MRTFA: variants seen among roughly 807,000 people sequenced by gnomAD.
The protein encoded by MRTFA is myocardin-related transcription factor A.
In MRTFA, 20 loss-of-function variants were observed where a neutral mutation model predicts 83.5. The ratio of observed to expected loss-of-function variants is 0.24; its 90% CI spans 0.17 to 0.35. The LOEUF (loss-of-function observed/expected upper bound fraction) is 0.35, where lower values mean the gene tolerates loss of function less well. MRTFA is among the 10% of genes least tolerant of loss of function. The pLI, the probability that MRTFA is intolerant of heterozygous loss-of-function variation, is 1.00. For synonymous variants in MRTFA, 659 were observed against 541.2 expected (o/e 1.22, Z -3.02); for missense variants, 1,200 against 1,224.7 (o/e 0.98, Z 0.30).
Position 40,419,112 on chromosome 22 carries a change from C to T in MRTFA, c.1626G>A (p.Val542=). The T allele has an allele frequency of 6.3e-7, 1 of 1,593,372 alleles. No homozygotes were observed. Among genetic ancestry groups the T allele is most frequent in the Non-Finnish European group, 8.5e-7 (1 of 1,170,128 alleles). Residue 542 remains valine, a synonymous_variant, in exon 12 of 15, where the codon GTG becomes GTA. Coordinates refer to ENST00000355630, the MANE Select transcript of MRTFA (RefSeq NM_020831.6). ...GCGTGGAGCCCGTGCTGCCAAACTT[C>T]ACCACCCCACTGCTGGCCACCGTGG...
intron 3 of MRTFA, among the ~76,000 whole-genome samples, chr22:40,464,261 ACT>A (rs966694623): frequency 7.3e-6 from 1 of 136,712 alleles, no homozygotes; most frequent in African/African-American, 2.8e-5. Flanking sequence ...AGATCACACT[ACT>A]CTCTCTCACT....
At chr22:40,483,307 C>T (rs1461989009) in intron 3 of MRTFA, among the ~76,000 whole-genome samples, 1 of 151,904 alleles carries the variant, frequency 6.6e-6, no homozygotes, top group Non-Finnish European at 1.5e-5. Flanking sequence ...TCAAGCAATC[C>T]TCCTGCTTCA....
chr22:40,567,799 G>A (rs1200252095), intron 2 of MRTFA, among the ~76,000 whole-genome samples: 1 of 152,178 alleles, frequency 6.6e-6, no homozygotes, highest in Non-Finnish European at 1.5e-5. Context: ...ATAGTATTGT[G>A]CTTTGTTTTC....
chr22:40,477,562 T>C (rs942304335), intron 3 of MRTFA, among the ~76,000 whole-genome samples: 53 of 152,042 alleles, frequency 3.5e-4, no homozygotes, highest in Non-Finnish European at 1.5e-4. Flanking sequence ...ACAATGTACA[T>C]GAAAAGTGAT....
At chr22:40,457,487 A>G (rs1296601807) in intron 4 of MRTFA, among the ~76,000 whole-genome samples, 1 of 128,184 alleles carries the variant, frequency 7.8e-6, no homozygotes, top group Admixed American at 7.7e-5. Flanking sequence ...AGAAAGAAAG[A>G]AGGAAAGAAA....
chr22:40,636,201 C>A lies in MRTFA; in HGVS notation c.-84+277G>T, dbSNP rs1300462278. Among the ~76,000 whole-genome samples the A allele has an allele frequency of 2.0e-5, 3 of 152,224 alleles. No individual in the cohort carries two copies. The East Asian group carries it at 5.8e-4, about 29-fold the overall frequency. On this transcript the variant is annotated intron_variant, in intron 1 of 14. Coordinates refer to ENST00000355630, the MANE Select transcript of MRTFA (RefSeq NM_020831.6). ...GCGAGGACCTCCGTGCCTCCCCGCC[C>A]CGCGCAGCACAGCCCTGCCAGGCAG...
Position 40,419,148 on chromosome 22 carries a change from C to G in MRTFA, c.1590G>C (p.Glu530Asp). ...TGCTGGCCACCGTGGCCACCACCAC[C>G]TCAGCTGGAGCCAGGCCTGCTGCCA... Residue 530 changes from glutamate (E) to aspartate (D), a missense_variant, in exon 12 of 15, where the codon GAG (glutamate) becomes GAC (aspartate). By Grantham distance (45) the Glu-to-Asp change is conservative (BLOSUM62 2). Transcript: ENST00000355630. 6.3e-7 allele frequency: 1 copy of G among 1,585,724 alleles called. No homozygotes were observed. The highest frequency in any genetic ancestry group is 8.6e-7 in the Non-Finnish European group (1 of 1,165,866).
At chr22:40,451,364 T>G (rs568557219) in intron 4 of MRTFA, among the ~76,000 whole-genome samples, 1 of 152,292 alleles carries the variant, frequency 6.6e-6, no homozygotes, top group African/African-American at 2.4e-5. Flanking sequence ...GACTGCATAT[T>G]CTGGGGCAAG....
intron 1 of MRTFA, among the ~76,000 whole-genome samples, chr22:40,623,459 T>G (rs2056546822): frequency 6.6e-6 from 1 of 151,964 alleles, no homozygotes; most frequent in African/African-American, 2.4e-5. Flanking sequence ...CTCCCAATGC[T>G]ATCCCTCCCC....
chr22:40,604,950 A>C (rs1364360408), intron 1 of MRTFA, among the ~76,000 whole-genome samples: 2 of 152,136 alleles, frequency 1.3e-5, no homozygotes, highest in East Asian at 3.8e-4. Context: ...AGAAGAGACT[A>C]ATCTATGACC....
At position 40,513,032 on chromosome 22, in the gene MRTFA, T is replaced by C. The variant is rs2054693419; in HGVS notation, c.241+39074A>G. ...TAGAAAGCTTAAAGTAACAAAATAA[T>C]TAGAAGAAAGGAAAGTTTTACAAGG... On this transcript the variant is annotated intron_variant, in intron 3 of 14. Coordinates refer to ENST00000355630, the MANE Select transcript of MRTFA (RefSeq NM_020831.6). 2.0e-5 allele frequency among the ~76,000 whole-genome samples: 3 copies of C among 152,312 alleles called. No individual in the cohort carries two copies. In the South Asian group the frequency reaches 6.2e-4, roughly 32 times the overall value.
chr22:40,525,481 G>A (rs1196305854), intron 3 of MRTFA, among the ~76,000 whole-genome samples: 4 of 152,076 alleles, frequency 2.6e-5, no homozygotes, highest in Admixed American at 2.0e-4. Flanking sequence ...AGCAGGGGGC[G>A]ACAGAGCAAG....
intron 1 of MRTFA, among the ~76,000 whole-genome samples, chr22:40,627,723 C>T (rs970191691): frequency 2.6e-5 from 4 of 152,202 alleles, no homozygotes; most frequent in African/African-American, 9.6e-5. Context: ...GGCACAGCGG[C>T]TCATGCCTGT....
At chr22:40,587,654 T>C in intron 2 of MRTFA, 1 of 315,632 alleles carries the variant, frequency 3.2e-6, no homozygotes, top group Non-Finnish European at 6.3e-6. Context: ...TTGGATTGTG[T>C]TCACTCTACA....
chr22:40,511,606 T>C (rs1032867189), intron 3 of MRTFA, among the ~76,000 whole-genome samples: 11 of 152,234 alleles, frequency 7.2e-5, no homozygotes, highest in Non-Finnish European at 1.5e-4. Context: ...CCCTGGCATC[T>C]AGTTCACAAA....
chr22:40,552,396 T>C (rs1460962014), intron 2 of MRTFA, 29 bp from the exon 3 acceptor site: 2 of 397,648 alleles, frequency 5.0e-6, no homozygotes, highest in Non-Finnish European at 8.9e-6. Flanking sequence ...ATGGAAAGTT[T>C]AGATGGTACC....
chr22:40,522,335 G>A (rs1392404083), intron 3 of MRTFA: 1 of 152,258 alleles, frequency 6.6e-6, no homozygotes, highest in Non-Finnish European at 1.5e-5. Context: ...TCAGCTCGGA[G>A]GGCACAGGAC....
chr22:40,435,013 G>C (rs1250218426), intron 5 of MRTFA, among the ~76,000 whole-genome samples: 1 of 151,946 alleles, frequency 6.6e-6, no homozygotes, highest in African/African-American at 2.4e-5. Context: ...AGAGTCAAGT[G>C]GATACCACCT....
chr22:40,529,479 G>A (rs995935902), intron 3 of MRTFA, among the ~76,000 whole-genome samples: 4 of 152,018 alleles, frequency 2.6e-5, no homozygotes, highest in Non-Finnish European at 4.4e-5. Flanking sequence ...ACCATGCCCG[G>A]CTAACTTTTG....
Sources: allele counts gnomAD v4.1 joint callset (sites outside exome capture counted in the v4.1 genomes callset), GRCh38; gene constraint gnomAD v4.1.1; transcripts MANE v1.5; gene names NCBI Gene and HGNC (gene_info 2026-07-23, HGNC 2026-07-21).